The following WHRN variants were observed in gnomAD, a reference collection of about 807,000 sequenced individuals.
The protein encoded by WHRN is CASK-interacting protein CIP98.
In WHRN, 41 loss-of-function variants were observed where a neutral mutation model predicts 68.3. That is an observed-to-expected ratio of 0.60 (90% CI 0.47 to 0.78). The LOEUF (loss-of-function observed/expected upper bound fraction) is 0.78, where lower values mean the gene tolerates loss of function less well. WHRN is among the 30% of genes least tolerant of loss of function. WHRN has a pLI of 0.00. For missense variants in WHRN, 1,243 were observed against 1,244.7 expected (o/e 1.00, Z 0.02); for synonymous variants, 560 against 561.3 (o/e 1.00, Z 0.03).
At chr9:114,500,220 C>CACAGGACCCAAGAGTGAAA (rs2133421624) in intron 1 of WHRN, among the ~76,000 whole-genome samples, 1 of 152,272 alleles carries the variant, frequency 6.6e-6, no homozygotes, top group South Asian at 2.1e-4. Context: ...TGGCAGGACT[C>CACAGGACCCAAGAGTGAAA]ACAGGACCCA....
In WHRN at chr9:114,504,249, CG is replaced by C. The variant is rs1564246957; in HGVS notation, c.552del (p.Asp186ThrfsTer14). ...GSLAEKEGLR[V>X]GDQILRVNDK... ...TCGTTGACGCGCAGAATCTGGTCCC[CG>C]ACCCGCAGTCCTTCCTTCTCAGCTA... On this transcript the variant is annotated frameshift_variant, in exon 1 of 12. Coordinates refer to ENST00000362057, the MANE Select transcript of WHRN (RefSeq NM_015404.4). LOFTEE classifies it high-confidence loss of function. 1 of 1,614,164 alleles carries C rather than the reference CG, an allele frequency of 6.2e-7. No individual in the cohort carries two copies. Among genetic ancestry groups the C allele is most frequent in the Non-Finnish European group, 8.5e-7 (1 of 1,180,034 alleles).
chr9:114,465,456 T>A (rs1840599497), intron 3 of WHRN, among the ~76,000 whole-genome samples: 1 of 151,976 alleles, frequency 6.6e-6, no homozygotes, highest in Non-Finnish European at 1.5e-5. Flanking sequence ...TCTCTCACAC[T>A]CCCCATGGCC....
intron 7 of WHRN, among the ~76,000 whole-genome samples, chr9:114,408,595 G>A (rs1326667674): frequency 6.6e-6 from 1 of 152,222 alleles, no homozygotes; most frequent in East Asian, 1.9e-4. Context: ...GGCCATTTGT[G>A]GGCCGTCTAT....
At chr9:114,439,035 T>A (rs1440182427) in intron 3 of WHRN, among the ~76,000 whole-genome samples, 2 of 152,020 alleles carry the variant, frequency 1.3e-5, no homozygotes, top group African/African-American at 2.4e-5. Context: ...TATAGCATGC[T>A]ATCTTTTATA....
intron 7 of WHRN, among the ~76,000 whole-genome samples, chr9:114,421,903 C>T (rs947394615): frequency 6.6e-6 from 1 of 152,000 alleles, no homozygotes; most frequent in South Asian, 2.1e-4. Flanking sequence ...GGGATGAGCA[C>T]CCTTGGAAAT....
intron 7 of WHRN, among the ~76,000 whole-genome samples, chr9:114,411,694 CTTATA>C (rs1189326166): frequency 2.0e-5 from 3 of 152,152 alleles, no homozygotes; most frequent in South Asian, 4.1e-4. Flanking sequence ...GGGTGTTTTA[CTTATA>C]TTATCTCATT....
intron 7 of WHRN, among the ~76,000 whole-genome samples, chr9:114,413,590 T>A (rs1589080546): frequency 6.6e-6 from 1 of 151,894 alleles, no homozygotes; most frequent in African/African-American, 2.4e-5. Flanking sequence ...AGGGTAGGGG[T>A]GTAAGTCTGT....
chr9:114,492,101 T>G (rs1309447937), intron 1 of WHRN, among the ~76,000 whole-genome samples: 1 of 149,238 alleles, frequency 6.7e-6, no homozygotes, highest in Non-Finnish European at 1.5e-5. Context: ...TTGATAAAAA[T>G]GGAAAAGAAA....
In WHRN at chr9:114,409,763, C is replaced by A. The variant is rs117046868; in HGVS notation, c.1627-1745G>T. Among the ~76,000 whole-genome samples, 1,310 of 151,958 alleles carry A rather than the reference C, an allele frequency of 8.6e-3. 71 individuals are homozygous for A. The highest frequency in any genetic ancestry group is 0.078 in the Admixed American group (1,190 of 15,240). ...CGCTCACCTCCAAAACCTAACCCAC[C>A]TGTCACCTGCTCGACAAGGTGTACC... On this transcript the variant is annotated intron_variant, in intron 7 of 11. Transcript: ENST00000362057.
At position 114,403,227 on chromosome 9, in the gene WHRN, A is replaced by T; in HGVS notation, c.2531T>A (p.Val844Asp). Residue 844 changes from valine to aspartate, a missense_variant, in exon 11 of 12, where the codon GTC becomes GAC. By Grantham distance (152) the Val-to-Asp change is radical (BLOSUM62 -3). Transcript: ENST00000362057. ...CCCCTGGGGACATACCTGAATAGTG[A>T]CAATCCTAGGCAGGGGCTGGCGGGT... is the stretch of plus-strand genomic sequence containing the variant. ...ANTRQPLPRI[V>D]TIQRGGSAHN... 6.2e-7 allele frequency: 1 copy of T among 1,614,152 alleles called. No individual in the cohort carries two copies. The highest frequency in any genetic ancestry group is 8.5e-7 in the Non-Finnish European group (1 of 1,180,016).
intron 3 of WHRN, among the ~76,000 whole-genome samples, chr9:114,429,600 C>T (rs1837222976): frequency 6.6e-6 from 1 of 152,188 alleles, no homozygotes; most frequent in South Asian, 2.1e-4. Context: ...AAGCCAGGGC[C>T]CCTGAGAACT....
chr9:114,479,097 G>C (rs774855102), intron 1 of WHRN, among the ~76,000 whole-genome samples: 3 of 152,204 alleles, frequency 2.0e-5, no homozygotes, highest in Non-Finnish European at 2.9e-5. Context: ...CTCGGAACTT[G>C]GATTTGGGGA....
chr9:114,417,833 T>C (rs1835928789), intron 7 of WHRN, among the ~76,000 whole-genome samples: 1 of 152,076 alleles, frequency 6.6e-6, no homozygotes, highest in Admixed American at 6.5e-5. Context: ...GAATATAGAG[T>C]TGTCATTCCT....
At chr9:114,415,134 C>CA (rs902353388) in intron 7 of WHRN, among the ~76,000 whole-genome samples, 23 of 152,092 alleles carry the variant, frequency 1.5e-4, no homozygotes, top group Non-Finnish European at 2.9e-5. Flanking sequence ...CCCATCACTA[C>CA]AAAAAAATGT....
chr9:114,429,088 G>A (rs1028639717), intron 3 of WHRN, among the ~76,000 whole-genome samples: 5 of 152,182 alleles, frequency 3.3e-5, no homozygotes, highest in Admixed American at 1.3e-4. Flanking sequence ...ACACCACCAC[G>A]CCCAGCTAAC....
At chr9:114,434,917 C>T (rs888895886) in intron 3 of WHRN, among the ~76,000 whole-genome samples, 3 of 152,066 alleles carry the variant, frequency 2.0e-5, no homozygotes, top group Non-Finnish European at 2.9e-5. Flanking sequence ...GCTTTTTTTC[C>T]GATCCAACCA....
chr9:114,466,166 T>C lies in WHRN; in HGVS notation c.963+101A>G, dbSNP rs1410607301. ...GGGAGGGCTCCCCAGCTGGGACCAG[T>C]CCTCAAGGTGGAGTGCTGATTGCTC... On this transcript the variant is annotated intron_variant, in intron 3 of 11. Transcript: ENST00000362057. 3.2e-6 allele frequency: 5 copies of C among 1,573,384 alleles called. No individual in the cohort carries two copies. In the African/African-American group the frequency reaches 6.7e-5, roughly 21 times the overall value.
In WHRN at chr9:114,426,267, G is replaced by T. The variant is rs768344109; in HGVS notation, c.1110C>A (p.Asp370Glu). 6.2e-7 allele frequency: 1 copy of T among 1,613,102 alleles called. No homozygotes were observed. Among genetic ancestry groups the T allele is most frequent in the East Asian group, 2.2e-5 (1 of 44,880 alleles). Reference sequence around the variant, plus strand: ...GGGAACTGGCGATCCACTTGGTCTCGTCCACAGTGGTGCGGGCATGGGGCA... The same window carrying T: ...GGGAACTGGCGATCCACTTGGTCTCTTCCACAGTGGTGCGGGCATGGGGCA... ...GRLPHARTTV[D>E]ETKWIASSRI... Residue 370 changes from aspartate to glutamate, a missense_variant, in exon 4 of 12, where the codon GAC (aspartate) becomes GAA (glutamate). Transcript: ENST00000362057.
At chr9:114,478,031 C>A (rs1411135917) in intron 2 of WHRN, among the ~76,000 whole-genome samples, 1 of 152,066 alleles carries the variant, frequency 6.6e-6, no homozygotes, top group Admixed American at 6.5e-5. Flanking sequence ...TGGAGGGAAT[C>A]TGGGTCCCAG....
Sources: allele counts gnomAD v4.1 joint callset (sites outside exome capture counted in the v4.1 genomes callset), GRCh38; gene constraint gnomAD v4.1.1; transcripts MANE v1.5; gene names NCBI Gene and HGNC (gene_info 2026-07-23, HGNC 2026-07-21).